The following RPS6KA2 variants were observed in gnomAD, a reference collection of about 807,000 sequenced individuals.
RPS6KA2 encodes the protein ribosomal protein S6 kinase alpha-2.
Under a neutral mutation model 91.8 loss-of-function variants are expected in RPS6KA2, and 42 were observed. The observed-to-expected ratio is 0.46, with a 90% CI of 0.36 to 0.59. The LOEUF is 0.59. Among genes scored for constraint, RPS6KA2 ranks in the 20% least tolerant of loss-of-function variants. The pLI, the probability that RPS6KA2 is intolerant of heterozygous loss-of-function variation, is 0.00. For synonymous variants in RPS6KA2, 414 were observed against 393.6 expected, an observed-to-expected ratio of 1.05 and a Z score of -0.61; for missense variants, 798 against 978.5, an observed-to-expected ratio of 0.82 and a Z score of 2.46.
chr6:166,721,436 T>C (rs1790171168), intron 2 of RPS6KA2, among the ~76,000 whole-genome samples: 1 of 152,322 alleles, frequency 6.6e-6, no homozygotes, highest in African/African-American at 2.4e-5. Flanking sequence ...ACCCCCTCCA[T>C]TGCCACATCC....
At chr6:166,562,322 G>A (rs555711346) in intron 1 of RPS6KA2, among the ~76,000 whole-genome samples, 3 of 152,256 alleles carry the variant, frequency 2.0e-5, no homozygotes, top group South Asian at 4.1e-4. Context: ...ATTAACCAGT[G>A]TTGGTGATCA....
At chr6:166,841,501 G>C (rs140253026) in intron 2 of RPS6KA2, among the ~76,000 whole-genome samples, 42 of 152,354 alleles carry the variant, frequency 2.8e-4, no homozygotes, top group Admixed American at 5.2e-4. Context: ...TTTTTTCAAA[G>C]TTATAGGAGG....
intron 2 of RPS6KA2, among the ~76,000 whole-genome samples, chr6:166,837,348 G>A (rs1780346599): frequency 6.6e-6 from 1 of 152,220 alleles, no homozygotes; most frequent in South Asian, 2.1e-4. Context: ...AGGCCACACT[G>A]CAGTTTTCTC....
intron 1 of RPS6KA2, among the ~76,000 whole-genome samples, chr6:166,577,177 G>C (rs547552175): frequency 6.6e-6 from 1 of 152,352 alleles, no homozygotes; most frequent in East Asian, 1.9e-4. Flanking sequence ...GCAAAAGTTT[G>C]CTGCAGGGGC....
At position 166,419,718 on chromosome 6, in the gene RPS6KA2, A is replaced by T. The variant is rs1480367899; in HGVS notation, c.1820+164T>A. On this transcript the variant is annotated intron_variant, in intron 18 of 20. Coordinates refer to ENST00000265678, the MANE Select transcript of RPS6KA2 (RefSeq NM_021135.6). This position sits in a 1 kb window ranked among gnomAD's most constrained non-coding sequence, Gnocchi z 5.6. Reference sequence around the variant, plus strand: ...TGTTCAGTTGTCCTGAGGGGCTAAGAAAGTCTGCGAGTGTTCACTCAAGGC... The same window carrying T: ...TGTTCAGTTGTCCTGAGGGGCTAAGTAAGTCTGCGAGTGTTCACTCAAGGC... Among the ~76,000 whole-genome samples, 1 of 152,238 alleles carries T rather than the reference A, an allele frequency of 6.6e-6. No homozygotes were observed. Among genetic ancestry groups the T allele is most frequent in the African/African-American group, 2.4e-5 (1 of 41,466 alleles).
chr6:166,456,256 A>G (rs1242402688), intron 12 of RPS6KA2, among the ~76,000 whole-genome samples: 2 of 152,224 alleles, frequency 1.3e-5, no homozygotes, highest in African/African-American at 4.8e-5. Context: ...AAAAGTTAAG[A>G]GGCTGACATT....
In RPS6KA2 at chr6:166,849,483, A is replaced by C. The variant is rs1435141343; in HGVS notation, c.123+8717T>G. On this transcript the variant is annotated intron_variant, in intron 2 of 21. Transcript: ENST00000503859. This position sits in a 1 kb window ranked among gnomAD's most constrained non-coding sequence, Gnocchi z 4.9. Reference sequence around the variant, plus strand: ...GTTATCACTCCCCAGACTTTGCCCGAAGAATAAAAGAAGAAGGGAGGGTGA... The same window carrying C: ...GTTATCACTCCCCAGACTTTGCCCGCAGAATAAAAGAAGAAGGGAGGGTGA... Among the ~76,000 whole-genome samples the C allele has an allele frequency of 6.6e-6, 1 of 152,146 alleles. No homozygotes were observed. The highest frequency in any genetic ancestry group is 1.5e-5 in the Non-Finnish European group (1 of 68,016).
intron 1 of RPS6KA2, among the ~76,000 whole-genome samples, chr6:166,549,816 C>T (rs774348446): frequency 1.3e-5 from 2 of 152,164 alleles, no homozygotes; most frequent in East Asian, 1.9e-4. Flanking sequence ...TGGTAAAATA[C>T]GAATAAGGTC....
At chr6:166,428,183 G>A (rs1197421762) in intron 16 of RPS6KA2, among the ~76,000 whole-genome samples, 1 of 151,868 alleles carries the variant, frequency 6.6e-6, no homozygotes, top group African/African-American at 2.4e-5. Context: ...TGACAAACCT[G>A]AGAAAAACAA....
chr6:166,542,149 A>G (rs1339191783), intron 1 of RPS6KA2: 1 of 152,266 alleles, frequency 6.6e-6, no homozygotes, highest in Non-Finnish European at 1.5e-5. Context: ...GTCTGTGTGA[A>G]TAGGAAACAG....
intron 2 of RPS6KA2, among the ~76,000 whole-genome samples, chr6:166,685,583 G>A (rs1412670426): frequency 6.6e-6 from 1 of 152,122 alleles, no homozygotes; most frequent in Non-Finnish European, 1.5e-5. Context: ...CATTCCCTAG[G>A]ATTAGGGAAG....
Position 166,722,328 on chromosome 6 carries a change from G to A in RPS6KA2, c.123+135872C>T, listed in dbSNP as rs188316022. 3.5e-3 allele frequency among the ~76,000 whole-genome samples: 514 copies of A among 148,690 alleles called. 2 individuals carry two copies. Among genetic ancestry groups the A allele is most frequent in the African/African-American group, 0.013 (488 of 38,270 alleles). On this transcript the variant is annotated intron_variant, in intron 2 of 21. Transcript: ENST00000503859. ...CTGAAGACGCTTAGAGTGGAAAAGC[G>A]TTTTGTAAGGCGGGTCAGACACTCA...
intron 10 of RPS6KA2, among the ~76,000 whole-genome samples, chr6:166,474,012 G>A (rs929901440): frequency 6.9e-6 from 1 of 145,764 alleles, no homozygotes; most frequent in African/African-American, 2.6e-5. Context: ...TCAGGGAGTC[G>A]CTCGTGTCCC....
chr6:166,797,158 A>C lies in RPS6KA2; in HGVS notation c.123+61042T>G, dbSNP rs562108505. On this transcript the variant is annotated intron_variant, in intron 2 of 21. Coordinates refer to the RPS6KA2 transcript ENST00000503859. The stretch of plus-strand genomic sequence containing the variant: ...CTCCAATCCCAGGCTCTGCTGCCGC[A>C]TCTCTGTGTCTCCTTCATCAGGCAC... Among the ~76,000 whole-genome samples the C allele has an allele frequency of 3.9e-5, 6 of 152,262 alleles. No homozygotes were observed. The South Asian group carries it at 1.2e-3, about 32-fold the overall frequency.
chr6:166,712,540 G>C (rs1004227954), intron 2 of RPS6KA2, among the ~76,000 whole-genome samples: 2 of 152,220 alleles, frequency 1.3e-5, no homozygotes, highest in African/African-American at 4.8e-5. Flanking sequence ...CTATAACTCA[G>C]TATCTGGGCC....
rs1190329099 is a variant in RPS6KA2 at position 166,435,562 on chromosome 6, A to G, written c.1333-3072T>C. 1.3e-5 allele frequency among the ~76,000 whole-genome samples: 2 copies of G among 152,370 alleles called. No homozygotes were observed. The highest frequency in any genetic ancestry group is 3.9e-4 in the East Asian group (2 of 5,188). The stretch of plus-strand genomic sequence containing the variant: ...GTTCGCTGAGGTGGCATTTGGGGAA[A>G]TGGAGGAAAATGAAAGAAGCTCCCA... On this transcript the variant is annotated intron_variant, in intron 14 of 20. Coordinates refer to ENST00000265678, the MANE Select transcript of RPS6KA2 (RefSeq NM_021135.6). This position sits in a 1 kb window ranked among gnomAD's most constrained non-coding sequence, Gnocchi z 4.3.
chr6:166,603,921 T>C lies in RPS6KA2; in HGVS notation c.99+23000A>G, dbSNP rs1012950255. ...ACTGGATTGCCGCAAAGCTGACATG[T>C]TGGAAGGGGTGAGATGAGAGCTAAG... On this transcript the variant is annotated intron_variant, in intron 1 of 20. Transcript: ENST00000265678. The surrounding 1 kb of genome is among the most constrained non-coding windows in gnomAD (Gnocchi z 4.3). Among the ~76,000 whole-genome samples, 1 of 152,104 alleles carries C rather than the reference T, an allele frequency of 6.6e-6. No individual in the cohort carries two copies. The highest frequency in any genetic ancestry group is 2.4e-5 in the African/African-American group (1 of 41,412).
At position 166,434,893 on chromosome 6, in the gene RPS6KA2, T is replaced by C. The variant is rs1248492154; in HGVS notation, c.1333-2403A>G. Among the ~76,000 whole-genome samples, 1 of 152,162 alleles carries C rather than the reference T, an allele frequency of 6.6e-6. No individual in the cohort carries two copies. The highest frequency in any genetic ancestry group is 1.5e-5 in the Non-Finnish European group (1 of 68,014). On this transcript the variant is annotated intron_variant, in intron 14 of 20. Coordinates refer to ENST00000265678, the MANE Select transcript of RPS6KA2 (RefSeq NM_021135.6). The surrounding 1 kb of genome is among the most constrained non-coding windows in gnomAD (Gnocchi z 4.4). Reference sequence around the variant, plus strand: ...ATGCAGATAGACGCATCCATTTCCTTGTGGGTGCATAAAATAACCCTGGAA... The same window carrying C: ...ATGCAGATAGACGCATCCATTTCCTCGTGGGTGCATAAAATAACCCTGGAA...
chr6:166,497,537 A>G, intron 8 of RPS6KA2, among the ~76,000 whole-genome samples: 1 of 152,362 alleles, frequency 6.6e-6, no homozygotes, highest in Middle Eastern at 3.4e-3. Flanking sequence ...CGTGGAACAC[A>G]GCCAGGGCCT....
Sources: allele counts gnomAD v4.1 joint callset (sites outside exome capture counted in the v4.1 genomes callset), GRCh38; gene constraint gnomAD v4.1.1; non-coding constraint Gnocchi (gnomAD v3.1); transcripts MANE v1.5; gene names NCBI Gene and HGNC (gene_info 2026-07-23, HGNC 2026-07-21).